The following SLC2A9 variants were observed in gnomAD, a reference collection of about 807,000 sequenced individuals.
SLC2A9 encodes the protein solute carrier family 2 member 9.
In SLC2A9, 39 loss-of-function variants were observed where a neutral mutation model predicts 50.6. The ratio of observed to expected loss-of-function variants is 0.77; its 90% CI spans 0.60 to 1.01. SLC2A9 has a LOEUF of 1.01. Among genes scored for constraint, SLC2A9 ranks in the 50% least tolerant of loss-of-function variants. The probability of loss-of-function intolerance (pLI) is 0.00; values close to 1 mark genes in which losing one functional copy is unlikely to be tolerated. For missense variants in SLC2A9, 686 were observed against 677.6 expected (o/e 1.01, Z -0.14); for synonymous variants, 324 against 276.9 (o/e 1.17, Z -1.69).
intron 10 of SLC2A9, among the ~76,000 whole-genome samples, chr4:9,884,220 C>T (rs1735754860): frequency 6.6e-6 from 1 of 152,212 alleles, no homozygotes; most frequent in African/African-American, 2.4e-5. Context: ...ATTCAGACTG[C>T]ACATGTGAAA....
chr4:9,920,327 TC>T, intron 7 of SLC2A9, 57 bp downstream of exon 7: 1 of 1,596,850 alleles, frequency 6.3e-7, no homozygotes, highest in Middle Eastern at 1.8e-4. Flanking sequence ...GCCCTGAACC[TC>T]CCCACCCTCT....
chr4:9,907,741 A>C (rs1740944191), intron 8 of SLC2A9, among the ~76,000 whole-genome samples: 1 of 152,222 alleles, frequency 6.6e-6, no homozygotes, highest in African/African-American at 2.4e-5. Context: ...GGATGGAGTT[A>C]TTTATTAAAA....
intron 10 of SLC2A9, among the ~76,000 whole-genome samples, chr4:9,844,283 A>G (rs1170523632): frequency 6.6e-6 from 1 of 150,714 alleles, no homozygotes; most frequent in Admixed American, 6.7e-5. Flanking sequence ...CTTTCTCTCC[A>G]TCTCTCCTTC....
At chr4:9,833,029 T>C (rs1370477234) in intron 11 of SLC2A9, among the ~76,000 whole-genome samples, 2 of 152,208 alleles carry the variant, frequency 1.3e-5, no homozygotes, top group Non-Finnish European at 2.9e-5. Flanking sequence ...ATAAATGTGA[T>C]GGGGGAACCA....
At chr4:10,000,508 C>T (rs1280993068) in intron 2 of SLC2A9, among the ~76,000 whole-genome samples, 17 of 152,206 alleles carry the variant, frequency 1.1e-4, no homozygotes, top group Admixed American at 1.1e-3. Flanking sequence ...GGCCAAGAAT[C>T]CAGGTGCCAT....
intron 10 of SLC2A9, among the ~76,000 whole-genome samples, chr4:9,860,419 G>A (rs1731425091): frequency 6.6e-6 from 1 of 152,230 alleles, no homozygotes; most frequent in South Asian, 2.1e-4. Context: ...GAACGAAGAT[G>A]GGGAGATGAA....
chr4:9,806,449 T>C (rs1348037116), intron 3 of SLC2A9, among the ~76,000 whole-genome samples: 2 of 152,242 alleles, frequency 1.3e-5, no homozygotes, highest in African/African-American at 2.4e-5. Flanking sequence ...TATCACTGGC[T>C]TGCTGTCAGT....
intron 3 of SLC2A9, among the ~76,000 whole-genome samples, chr4:9,799,698 C>CCCT (rs1553813275): frequency 1.4e-4 from 10 of 71,490 alleles, no homozygotes; most frequent in Admixed American, 1.1e-3. Flanking sequence ...TTGTACCCCC[C>CCCT]CCCCACCCAA....
intron 10 of SLC2A9, among the ~76,000 whole-genome samples, chr4:9,849,028 T>C (rs2109297575): frequency 6.6e-6 from 1 of 152,176 alleles, no homozygotes; most frequent in African/African-American, 2.4e-5. Context: ...GTTGAGGAGA[T>C]GGAGGGCTAA....
chr4:9,951,451 A>G (rs1465403496), intron 5 of SLC2A9, among the ~76,000 whole-genome samples: 2 of 152,210 alleles, frequency 1.3e-5, no homozygotes. Flanking sequence ...TATTTTATTC[A>G]GGTGATGGAT....
At position 9,900,859 on chromosome 4, in the gene SLC2A9, C is replaced by A. The variant is rs139731758; in HGVS notation, c.1113+7376G>T. ...ATCAGCTCTCATGAGAACTCACTCA[C>A]TATCATGAGAACAGCATGAGGGTAA... On this transcript the variant is annotated intron_variant, in intron 8 of 11. Transcript: ENST00000264784. Among the ~76,000 whole-genome samples the A allele has an allele frequency of 3.8e-3, 577 of 152,204 alleles. 4 individuals carry two copies. Among genetic ancestry groups the A allele is most frequent in the African/African-American group, 0.013 (528 of 41,520 alleles).
intron 3 of SLC2A9, among the ~76,000 whole-genome samples, chr4:9,802,515 C>A (rs561995559): frequency 1.5e-4 from 22 of 150,704 alleles, no homozygotes; most frequent in African/African-American, 2.4e-4. Flanking sequence ...GCATATTAAT[C>A]TCTTCCAAAA....
downstream of SLC2A9, among the ~76,000 whole-genome samples, chr4:9,794,143 T>G (rs141828671): frequency 1.9e-4 from 29 of 151,458 alleles, no homozygotes; most frequent in African/African-American, 6.8e-4. Flanking sequence ...GCGATCTCAT[T>G]AATTCCTTTT....
In SLC2A9 at chr4:10,001,348, G is replaced by A. The variant is rs116195507; in HGVS notation, c.250-4407C>T. 4.4e-3 allele frequency among the ~76,000 whole-genome samples: 666 copies of A among 152,298 alleles called. 7 individuals carry two copies. Among genetic ancestry groups the A allele is most frequent in the African/African-American group, 0.015 (624 of 41,560 alleles). On this transcript the variant is annotated intron_variant, in intron 2 of 11. Coordinates refer to ENST00000264784, the MANE Select transcript of SLC2A9 (RefSeq NM_020041.3). ...ATGTGGAGATAGACAGGCACAGGAG[G>A]AAGATGATGTAAACAGGCATGGGGA...
At chr4:9,849,635 G>A (rs1729538217) in intron 10 of SLC2A9, among the ~76,000 whole-genome samples, 1 of 152,144 alleles carries the variant, frequency 6.6e-6, no homozygotes, top group South Asian at 2.1e-4. Context: ...GGAGCAAATG[G>A]GCCATGAAAG....
chr4:9,879,675 G>C, intron 10 of SLC2A9: 1 of 985,354 alleles, frequency 1.0e-6, no homozygotes, highest in Non-Finnish European at 1.2e-6. Context: ...GCTCCATCTT[G>C]TTTGCATCTG....
chr4:9,831,568 G>T, intron 11 of SLC2A9, among the ~76,000 whole-genome samples: 1 of 152,334 alleles, frequency 6.6e-6, no homozygotes, highest in East Asian at 1.9e-4. Context: ...AGGTATAACT[G>T]CCCTGCTGAC....
downstream of SLC2A9, among the ~76,000 whole-genome samples, chr4:9,822,634 G>A (rs141065054): frequency 2.9e-3 from 445 of 152,226 alleles, 2 homozygotes; most frequent in African/African-American, 0.01. Flanking sequence ...AATTCAAACT[G>A]GATTGACAGT....
chr4:9,931,688 G>T (rs1367004761), intron 6 of SLC2A9, among the ~76,000 whole-genome samples: 1 of 152,016 alleles, frequency 6.6e-6, no homozygotes, highest in East Asian at 1.9e-4. Context: ...GGGCTGAGAG[G>T]CTAAGGAGCC....
Sources: gnomAD v4.1 joint callset for allele counts (sites outside exome capture counted in the v4.1 genomes callset) on GRCh38, gnomAD v4.1.1 for gene constraint, MANE v1.5 for transcripts, NCBI Gene and HGNC (gene_info 2026-07-23, HGNC 2026-07-21) for gene names.